The following MYO16 variants were observed in gnomAD, a reference collection of about 807,000 sequenced individuals.
MYO16 encodes unconventional myosin-XVI.
Under a neutral mutation model 205.3 loss-of-function variants are expected in MYO16, and 94 were observed. That is an observed-to-expected ratio of 0.46 (90% CI 0.39 to 0.54). The LOEUF is 0.54. MYO16 is among the 20% of genes least tolerant of loss of function. The probability of loss-of-function intolerance (pLI) is 0.00; values close to 1 mark genes in which losing one functional copy is unlikely to be tolerated. For synonymous variants in MYO16, 988 were observed against 954.0 expected, an observed-to-expected ratio of 1.04 and a Z score of -0.66; for missense variants, 2,315 against 2,387.5, an observed-to-expected ratio of 0.97 and a Z score of 0.63.
At chr13:109,043,264 T>C (rs767304337) in intron 23 of MYO16, among the ~76,000 whole-genome samples, 3 of 152,162 alleles carry the variant, frequency 2.0e-5, no homozygotes, top group Non-Finnish European at 4.4e-5. Flanking sequence ...AAATGCGTAG[T>C]CATCGCCCTG....
chr13:108,595,685 C>G (rs75605583), upstream of MYO16, among the ~76,000 whole-genome samples: 1,708 of 152,156 alleles, frequency 0.011, 26 homozygotes, highest in African/African-American at 0.037. Flanking sequence ...GCCTCTGATC[C>G]TTCCAATAAA....
chr13:108,873,833 G>A (rs1275328672), intron 12 of MYO16, among the ~76,000 whole-genome samples: 2 of 152,200 alleles, frequency 1.3e-5, no homozygotes, highest in Non-Finnish European at 1.5e-5. Context: ...CCATGATTGT[G>A]CTGCCTATTT....
chr13:108,916,234 C>A (rs1881488924), intron 16 of MYO16, among the ~76,000 whole-genome samples: 1 of 152,130 alleles, frequency 6.6e-6, no homozygotes, highest in Non-Finnish European at 1.5e-5. Context: ...TCATGGGGCA[C>A]TTCCCATGTG....
At chr13:108,668,630 T>C (rs537807664) in intron 2 of MYO16, among the ~76,000 whole-genome samples, 1 of 152,310 alleles carries the variant, frequency 6.6e-6, no homozygotes, top group South Asian at 2.1e-4. Flanking sequence ...TCAACAGTGA[T>C]GGATACGGGG....
intron 10 of MYO16, among the ~76,000 whole-genome samples, chr13:108,852,737 G>A (rs1182729801): frequency 1.3e-5 from 2 of 152,102 alleles, no homozygotes; most frequent in African/African-American, 4.8e-5. Flanking sequence ...GTGTTACTAA[G>A]GGCACTAATG....
intron 1 of MYO16, among the ~76,000 whole-genome samples, chr13:108,610,272 A>G (rs1288401143): frequency 4.6e-5 from 7 of 152,176 alleles, no homozygotes; most frequent in Non-Finnish European, 1.5e-5. Flanking sequence ...GTCAGAATGT[A>G]CTGTGTGTGC....
the MYO16 span, among the ~76,000 whole-genome samples, chr13:108,510,307 T>C: frequency 6.6e-5 from 10 of 151,694 alleles, no homozygotes; most frequent in African/African-American, 2.2e-4. Flanking sequence ...TTAGTAGAGA[T>C]GGGGTTTCAC....
At chr13:108,535,230 A>T in the MYO16 span, among the ~76,000 whole-genome samples, 1 of 152,148 alleles carries the variant, frequency 6.6e-6, no homozygotes, top group East Asian at 1.9e-4. Context: ...AACAGCTCTC[A>T]GTTCTATTCA....
intron 9 of MYO16, among the ~76,000 whole-genome samples, chr13:108,828,733 A>G (rs2139034787): frequency 6.6e-6 from 1 of 152,216 alleles, no homozygotes; most frequent in Middle Eastern, 3.4e-3. Flanking sequence ...GAGTTCAAAC[A>G]TGTGGCCAAT....
chr13:109,114,850 A>G (rs1055606204), intron 28 of MYO16, among the ~76,000 whole-genome samples: 1 of 152,190 alleles, frequency 6.6e-6, no homozygotes. Flanking sequence ...TGAGTAAACT[A>G]AATTAAGTGA....
chr13:109,092,236 A>G (rs1046099239), intron 27 of MYO16, among the ~76,000 whole-genome samples: 1 of 152,200 alleles, frequency 6.6e-6, no homozygotes, highest in African/African-American at 2.4e-5. Context: ...AGCTTGAAAA[A>G]CATACAGTAT....
chr13:109,158,885 C>G (rs1440982538), intron 32 of MYO16, among the ~76,000 whole-genome samples: 5 of 152,148 alleles, frequency 3.3e-5, no homozygotes. Flanking sequence ...TTGGAAGAGG[C>G]CTGGGGAAGA....
chr13:108,906,088 C>T (rs965275951), intron 15 of MYO16, among the ~76,000 whole-genome samples: 39 of 152,168 alleles, frequency 2.6e-4, no homozygotes, highest in African/African-American at 9.2e-4. Flanking sequence ...ACCCCAAACT[C>T]TTAGCGTTCC....
At chr13:108,848,479 T>C (rs921025162) in intron 10 of MYO16, among the ~76,000 whole-genome samples, 1 of 152,162 alleles carries the variant, frequency 6.6e-6, no homozygotes, top group Non-Finnish European at 1.5e-5. Flanking sequence ...AGTTTCAAAC[T>C]GAATTTCAAG....
the MYO16 span, among the ~76,000 whole-genome samples, chr13:108,502,841 C>G: frequency 7.1e-4 from 108 of 152,172 alleles, no homozygotes; most frequent in Middle Eastern, 3.4e-3. Context: ...TACCTTTTAT[C>G]TTTATTATTT....
chr13:108,819,826 C>T (rs1191455095), intron 7 of MYO16, among the ~76,000 whole-genome samples: 1 of 152,070 alleles, frequency 6.6e-6, no homozygotes, highest in African/African-American at 2.4e-5. Flanking sequence ...ATGAATTGCT[C>T]AATTAAAACA....
At chr13:109,050,927 C>T (rs888957375) in intron 24 of MYO16, among the ~76,000 whole-genome samples, 6 of 151,800 alleles carry the variant, frequency 4.0e-5, no homozygotes, top group African/African-American at 1.5e-4. Context: ...GAATCATTTA[C>T]CTTGCCTCAA....
chr13:108,768,141 A>G (rs1885842220), intron 4 of MYO16, among the ~76,000 whole-genome samples: 1 of 152,062 alleles, frequency 6.6e-6, no homozygotes, highest in South Asian at 2.1e-4. Flanking sequence ...CCTTTTCACT[A>G]TGCCATGTGT....
chr13:109,193,460 T>A (rs2181665), intron 34 of MYO16, among the ~76,000 whole-genome samples: 243 of 152,314 alleles, frequency 1.6e-3, no homozygotes, highest in Admixed American at 0.012. Flanking sequence ...TAAAATCTAG[T>A]TGGATTGGGT....
Sources: allele counts gnomAD v4.1 joint callset (sites outside exome capture counted in the v4.1 genomes callset), GRCh38; gene constraint gnomAD v4.1.1; transcripts MANE v1.5; gene names NCBI Gene and HGNC (gene_info 2026-07-23, HGNC 2026-07-21).